The following RELN variants were observed in gnomAD, a reference collection of about 807,000 sequenced individuals.
RELN encodes reelin.
RELN carries 108 observed loss-of-function variants against 427.6 expected under a neutral mutation model. The observed-to-expected ratio is 0.25, with a 90% confidence interval of 0.22 to 0.30. The LOEUF is 0.30. Ranked by LOEUF, RELN falls within the 10% of genes least tolerant of loss-of-function variation. RELN has a pLI of 1.00. For synonymous variants in RELN, 1,524 were observed against 1,513.4 expected (o/e 1.01, Z -0.16); for missense variants, 3,715 against 4,302.8 (o/e 0.86, Z 3.82).
intron 11 of RELN, 109 bp downstream of exon 11, chr7:103,682,007 A>T: frequency 9.7e-7 from 1 of 1,035,736 alleles, no homozygotes; most frequent in Non-Finnish European, 1.5e-6. Flanking sequence ...AAGAATCATC[A>T]GTATTGATCT....
At chr7:103,691,227 TTGAAACTATTTGGTCTTATATC>T (rs1418228481) in intron 10 of RELN, among the ~76,000 whole-genome samples, 6 of 152,150 alleles carry the variant, frequency 3.9e-5, no homozygotes, top group Non-Finnish European at 8.8e-5. Flanking sequence ...ATTACTCTAT[TTGAAACTATTTGGTCTTATATC>T]TGAAACTATT....
At chr7:103,705,926 T>C (rs1414206529) in intron 8 of RELN, among the ~76,000 whole-genome samples, 2 of 152,250 alleles carry the variant, frequency 1.3e-5, no homozygotes, top group Non-Finnish European at 2.9e-5. Context: ...ACTTTAGCTA[T>C]GATTGAATAT....
chr7:103,823,684 A>G (rs1220962160), intron 3 of RELN, among the ~76,000 whole-genome samples: 3 of 152,112 alleles, frequency 2.0e-5, no homozygotes, highest in Non-Finnish European at 4.4e-5. Context: ...TATGTTATAC[A>G]TAAATTTATT....
chr7:103,818,546 A>T (rs954191083), intron 3 of RELN, among the ~76,000 whole-genome samples: 3 of 152,172 alleles, frequency 2.0e-5, no homozygotes, highest in African/African-American at 7.2e-5. Context: ...AGTTTTATGC[A>T]TACGTCTTAG....
At chr7:103,636,743 C>T (rs1197592326) in intron 17 of RELN, among the ~76,000 whole-genome samples, 2 of 152,154 alleles carry the variant, frequency 1.3e-5, no homozygotes, top group Non-Finnish European at 2.9e-5. Context: ...TATGTTCATA[C>T]ACATTTCCAA....
intron 1 of RELN, among the ~76,000 whole-genome samples, chr7:103,985,619 C>CTTA (rs1415530084): frequency 6.6e-6 from 1 of 152,152 alleles, no homozygotes; most frequent in Admixed American, 6.5e-5. Context: ...GCTAAACTTA[C>CTTA]TTTAAGCAAA....
At position 103,989,076 on chromosome 7, in the gene RELN, G is replaced by A. The variant is rs1797163956; in HGVS notation, c.226+55C>T. The A allele has an allele frequency of 1.3e-6, 2 of 1,486,998 alleles. No individual in the cohort carries two copies. Among genetic ancestry groups the A allele is most frequent in the Admixed American group, 3.3e-5 (2 of 59,772 alleles). The allele number at this position is 1,486,998 out of a possible 1,614,324, so 92.1% of individuals were successfully genotyped here. ...TGGAAGAAGGAAAGGGATGAGAAAG[G>A]TGCGCTGGCGGGCGCACCCGGCGGC... is the stretch of plus-strand genomic sequence containing the variant. On this transcript the variant is annotated intron_variant, in intron 1 of 64. Transcript: ENST00000428762. This position sits in a 1 kb window ranked among gnomAD's most constrained non-coding sequence, Gnocchi z 4.9.
At position 103,909,727 on chromosome 7, in the gene RELN, ATTTTT is replaced by A. The variant is rs1389495321; in HGVS notation, c.337+7343_337+7347del. Among the ~76,000 whole-genome samples, 78 of 26,300 alleles carry A rather than the reference ATTTTT, an allele frequency of 3.0e-3. 5 individuals carry two copies. The highest frequency in any genetic ancestry group is 0.012 in the African/African-American group (75 of 6,498). The allele number at this position is 26,300 out of a possible 152,430, so 17.3% of individuals were successfully genotyped here. The stretch of plus-strand genomic sequence containing the variant: ...ATATATATAAATATATATTAAATAT[ATTTTT>A]TAATATATATAAATATATATATTAA... On this transcript the variant is annotated intron_variant, in intron 2 of 64. Coordinates refer to ENST00000428762, the MANE Select transcript of RELN (RefSeq NM_005045.4).
At chr7:103,478,664 G>A in intron 63 of RELN, 2 of 310,368 alleles carry the variant, frequency 6.4e-6, no homozygotes, top group Middle Eastern at 9.6e-4. Flanking sequence ...ACTACATTTG[G>A]CATAAATGTT....
intron 10 of RELN, among the ~76,000 whole-genome samples, chr7:103,683,552 T>G (rs954470948): frequency 2.6e-5 from 4 of 152,204 alleles, no homozygotes; most frequent in Non-Finnish European, 5.9e-5. Context: ...TATCACCTAG[T>G]GATGTCATAG....
intron 3 of RELN, among the ~76,000 whole-genome samples, chr7:103,779,096 G>A (rs866611426): frequency 1.4e-4 from 21 of 152,076 alleles, no homozygotes; most frequent in Admixed American, 3.3e-4. Flanking sequence ...TCTTAGATTC[G>A]AGGCCTTGGA....
Position 103,599,675 on chromosome 7 carries a change from G to A in RELN, c.3334-3014C>T, listed in dbSNP as rs368751652. 1.1e-4 allele frequency among the ~76,000 whole-genome samples: 16 copies of A among 152,234 alleles called. 1 individual carries two copies. The East Asian group carries it at 2.5e-3, about 24-fold the overall frequency. ...TCCAGAAAGCTTCAGGGAGGCAGTG[G>A]AATTTGAACAGGACACCGAAATTTT... On this transcript the variant is annotated intron_variant, in intron 24 of 64. Coordinates refer to ENST00000428762, the MANE Select transcript of RELN (RefSeq NM_005045.4).
At chr7:103,807,324 G>A (rs1792623291) in intron 3 of RELN, among the ~76,000 whole-genome samples, 1 of 152,138 alleles carries the variant, frequency 6.6e-6, no homozygotes, top group South Asian at 2.1e-4. Flanking sequence ...TGAATCCTAA[G>A]CCAGCAGTAG....
chr7:103,854,949 AT>A (rs1424337520), intron 2 of RELN, among the ~76,000 whole-genome samples: 2 of 152,252 alleles, frequency 1.3e-5, no homozygotes, highest in African/African-American at 2.4e-5. Context: ...AGTATGAATT[AT>A]TTTGTGAGAC....
chr7:103,649,108 C>T (rs1208542490), intron 16 of RELN, among the ~76,000 whole-genome samples: 1 of 151,850 alleles, frequency 6.6e-6, no homozygotes, highest in African/African-American at 2.4e-5. Context: ...GAAAAAGAAA[C>T]CAGTATATTA....
chr7:103,870,976 C>T (rs1240958997), intron 2 of RELN, among the ~76,000 whole-genome samples: 1 of 152,108 alleles, frequency 6.6e-6, no homozygotes, highest in East Asian at 1.9e-4. Flanking sequence ...TTCTGGACTC[C>T]TGCTCACTGC....
chr7:103,482,886 C>T lies in RELN; in HGVS notation c.10267G>A (p.Val3423Met), dbSNP rs758485261. The stretch of plus-strand genomic sequence containing the variant: ...ATAGATACTCACAGGACGACCTCCA[C>T]ATGGTCCAAAGCCCATTGATCATGA... ...TGHDQWALDHVEVVLVSTRKQ... is the reference protein window; with the variant it reads ...TGHDQWALDHMEVVLVSTRKQ... The change falls in exon 63 of 65, where the codon GTG (valine) becomes ATG (methionine). Residue 3423 changes from valine (V) to methionine (M), a missense_variant. Around this residue, in one of 4 missense-constraint regions of RELN, gnomAD observed 195 missense variants for 281.3 expected, o/e 0.69. Coordinates refer to ENST00000428762, the MANE Select transcript of RELN (RefSeq NM_005045.4). 1.2e-6 allele frequency: 2 copies of T among 1,614,194 alleles called. No individual in the cohort carries two copies. The highest frequency in any genetic ancestry group is 2.2e-5 in the East Asian group (1 of 44,880).
At chr7:103,902,236 C>T (rs550002401) in intron 2 of RELN, among the ~76,000 whole-genome samples, 1 of 152,106 alleles carries the variant, frequency 6.6e-6, no homozygotes, top group East Asian at 1.9e-4. Flanking sequence ...TTAAGTTCTT[C>T]TCTTATTAGT....
rs963797216 is a variant in RELN at position 103,563,740 on chromosome 7, C to T, written c.5210+1538G>A. ...TGTAAGCTCTGTTTATCGGAAGTGC[C>T]CTATACAAGTGTACCATTTAAAAAT... On this transcript the variant is annotated intron_variant, in intron 34 of 64. Transcript: ENST00000428762. This position sits in a 1 kb window ranked among gnomAD's most constrained non-coding sequence, Gnocchi z 4.1. 1.3e-5 allele frequency among the ~76,000 whole-genome samples: 2 copies of T among 152,108 alleles called. No individual in the cohort carries two copies. Among genetic ancestry groups the T allele is most frequent in the Non-Finnish European group, 2.9e-5 (2 of 68,028 alleles).
Sources: allele counts gnomAD v4.1 joint callset (sites outside exome capture counted in the v4.1 genomes callset), GRCh38; gene constraint gnomAD v4.1.1; regional missense constraint gnomAD v4.1.1; non-coding constraint Gnocchi (gnomAD v3.1); transcripts MANE v1.5; gene names NCBI Gene and HGNC (gene_info 2026-07-23, HGNC 2026-07-21).